The following SCFD2 variants were observed in gnomAD, a reference collection of about 807,000 sequenced individuals.
SCFD2 encodes sec1 family domain containing 2.
Under a neutral mutation model 58.9 loss-of-function variants are expected in SCFD2, and 54 were observed. That is an observed-to-expected ratio of 0.92 (90% CI 0.74 to 1.15). The LOEUF (loss-of-function observed/expected upper bound fraction) is 1.15. Among genes scored for constraint, SCFD2 ranks in the 50% most tolerant of loss-of-function variants. SCFD2 has a pLI of 0.00. For missense variants in SCFD2, 805 were observed against 836.6 expected (o/e 0.96, Z 0.47); for synonymous variants, 321 against 335.9 (o/e 0.96, Z 0.49).
intron 4 of SCFD2, among the ~76,000 whole-genome samples, chr4:53,252,394 C>T (rs1175160713): frequency 6.6e-6 from 1 of 151,176 alleles, no homozygotes; most frequent in Non-Finnish European, 1.5e-5. Context: ...CTTTAAAGTT[C>T]ATATGGAACC....
intron 2 of SCFD2, among the ~76,000 whole-genome samples, chr4:53,352,120 T>C (rs1734238734): frequency 6.6e-6 from 1 of 152,206 alleles, no homozygotes. Flanking sequence ...CTTCTCTCTT[T>C]GATTCCTCTA....
chr4:52,907,573 A>G lies in SCFD2; in HGVS notation c.1726T>C (p.Leu576=), dbSNP rs1719377447. The change falls in exon 7 of 9, where the codon TTG becomes CTG. Residue 576 remains leucine, a synonymous_variant. Coordinates refer to ENST00000401642, the MANE Select transcript of SCFD2 (RefSeq NM_152540.4). ...AATATTTCCTCCACAACTTGCTTCAACAATGGCTTATAAGATGCCTGGAAA... is the reference window on the plus strand; with the variant it reads ...AATATTTCCTCCACAACTTGCTTCAGCAATGGCTTATAAGATGCCTGGAAA... ...HTHQASYKPL[L]KQVVEEIFHP... The G allele has an allele frequency of 2.5e-6, 4 of 1,614,032 alleles. No homozygotes were observed. The highest frequency in any genetic ancestry group is 2.2e-5 in the East Asian group (1 of 44,890).
chr4:53,206,505 A>G (rs1156784912), intron 4 of SCFD2, among the ~76,000 whole-genome samples: 1 of 152,100 alleles, frequency 6.6e-6, no homozygotes, highest in Admixed American at 6.6e-5. Context: ...CATAGAAAAC[A>G]TGTTTGCTCC....
intron 4 of SCFD2, among the ~76,000 whole-genome samples, chr4:53,178,784 C>G (rs890321765): frequency 1.6e-4 from 25 of 152,036 alleles, no homozygotes; most frequent in African/African-American, 5.8e-4. Flanking sequence ...CTAGAATAAC[C>G]AATGCAGAGA....
intron 4 of SCFD2, among the ~76,000 whole-genome samples, chr4:53,154,376 G>A (rs1331190284): frequency 6.6e-6 from 1 of 152,264 alleles, no homozygotes; most frequent in South Asian, 2.1e-4. Flanking sequence ...GAGGTCGGGG[G>A]AGCAGGTAGC....
intron 1 of SCFD2, among the ~76,000 whole-genome samples, chr4:53,354,370 T>C (rs962703530): frequency 2.6e-5 from 4 of 151,394 alleles, no homozygotes; most frequent in Non-Finnish European, 5.9e-5. Flanking sequence ...CCACTCCAAG[T>C]GTGGGGCGCG....
intron 5 of SCFD2, among the ~76,000 whole-genome samples, chr4:53,016,633 C>T (rs1301341829): frequency 1.3e-5 from 2 of 152,144 alleles, no homozygotes; most frequent in Non-Finnish European, 2.9e-5. Context: ...AAATAAATGA[C>T]TCGTGCTACA....
At chr4:52,919,301 T>C (rs1332267236) in intron 6 of SCFD2, among the ~76,000 whole-genome samples, 4 of 152,250 alleles carry the variant, frequency 2.6e-5, no homozygotes, top group Admixed American at 6.5e-5. Context: ...TTGGTCTCAA[T>C]GTCATCATAT....
intron 5 of SCFD2, among the ~76,000 whole-genome samples, chr4:52,975,043 G>T (rs1027581019): frequency 6.6e-5 from 10 of 152,154 alleles, no homozygotes; most frequent in Admixed American, 3.9e-4. Flanking sequence ...AGACTTAAAT[G>T]TTAGACCTAA....
intron 4 of SCFD2, among the ~76,000 whole-genome samples, chr4:53,259,881 C>G (rs994319781): frequency 6.6e-6 from 1 of 151,760 alleles, no homozygotes; most frequent in Non-Finnish European, 1.5e-5. Context: ...TTTGTATCAT[C>G]TATGATTTCT....
At chr4:52,910,746 G>A (rs1193947348) in intron 6 of SCFD2, among the ~76,000 whole-genome samples, 1 of 152,146 alleles carries the variant, frequency 6.6e-6, no homozygotes, top group Non-Finnish European at 1.5e-5. Flanking sequence ...GAGGGACCTG[G>A]TGGGAGGTAG....
chr4:53,338,435 C>T (rs1269217920), intron 2 of SCFD2, among the ~76,000 whole-genome samples: 1 of 151,978 alleles, frequency 6.6e-6, no homozygotes, highest in Admixed American at 6.6e-5. Flanking sequence ...TACAGTTCAG[C>T]TTCTGAAAAC....
At chr4:52,896,508 C>A (rs996640614) in intron 7 of SCFD2, among the ~76,000 whole-genome samples, 3 of 152,062 alleles carry the variant, frequency 2.0e-5, no homozygotes, top group African/African-American at 7.2e-5. Flanking sequence ...CTGTTCTGTT[C>A]CATTGGTCTA....
At chr4:53,279,272 GC>G (rs1329725565) in intron 3 of SCFD2, among the ~76,000 whole-genome samples, 2 of 152,090 alleles carry the variant, frequency 1.3e-5, no homozygotes, top group Non-Finnish European at 2.9e-5. Flanking sequence ...TTTCAGTTAG[GC>G]TTTATTTTTC....
intron 5 of SCFD2, among the ~76,000 whole-genome samples, chr4:53,116,514 A>C (rs1172115672): frequency 1.3e-5 from 2 of 152,216 alleles, no homozygotes; most frequent in African/African-American, 4.8e-5. Flanking sequence ...GGGACAGAGA[A>C]GCAGAATCCT....
chr4:53,325,711 T>C (rs1033456493), intron 2 of SCFD2, among the ~76,000 whole-genome samples: 2 of 152,218 alleles, frequency 1.3e-5, no homozygotes, highest in African/African-American at 4.8e-5. Context: ...CTTTGAGTCT[T>C]ACAAGCATAT....
rs371121343 is a variant in SCFD2, at chr4:53,305,865, C to T, written c.1135+7771G>A. Among the ~76,000 whole-genome samples, 46 of 152,308 alleles carry T rather than the reference C, an allele frequency of 3.0e-4. No individual in the cohort carries two copies. The South Asian group carries it at 9.5e-3, about 32-fold the overall frequency. On this transcript the variant is annotated intron_variant, in intron 3 of 8. Transcript: ENST00000401642. ...GAACTTATGTTCTAAATCAGTGTCA[C>T]TCTTGGATTCCACAGGAGAGTGATA... is the stretch of plus-strand genomic sequence containing the variant.
intron 2 of SCFD2, among the ~76,000 whole-genome samples, chr4:53,338,656 C>T (rs1733760187): frequency 8.3e-6 from 1 of 120,038 alleles, no homozygotes; most frequent in African/African-American, 3.1e-5. Flanking sequence ...TCTCGGCTCA[C>T]TGCAAGCTCC....
chr4:53,286,961 G>A (rs1731687037), intron 3 of SCFD2, among the ~76,000 whole-genome samples: 1 of 152,146 alleles, frequency 6.6e-6, no homozygotes, highest in Non-Finnish European at 1.5e-5. Flanking sequence ...AAGTTACTGT[G>A]CCCTGTTGGC....
Sources: allele counts gnomAD v4.1 joint callset (sites outside exome capture counted in the v4.1 genomes callset), GRCh38; gene constraint gnomAD v4.1.1; transcripts MANE v1.5; gene names NCBI Gene and HGNC (gene_info 2026-07-23, HGNC 2026-07-21).